Variants in TMTC1 observed in about 807,000 individuals in gnomAD.
TMTC1 encodes protein O-mannosyl-transferase TMTC1.
In TMTC1, 73 loss-of-function variants were observed where a neutral mutation model predicts 104.8. That is an observed-to-expected ratio of 0.70 (90% CI 0.58 to 0.85). The LOEUF (loss-of-function observed/expected upper bound fraction) is 0.85. Among genes scored for constraint, TMTC1 ranks in the 40% least tolerant of loss-of-function variants. The pLI is 0.00. For missense variants in TMTC1, 1,035 were observed against 1,096.1 expected (o/e 0.94, Z 0.79); for synonymous variants, 434 against 428.7 (o/e 1.01, Z -0.15).
chr12:29,514,530 T>C lies in TMTC1; in HGVS notation c.2382A>G (p.Thr794=). The C allele has an allele frequency of 6.2e-7, 1 of 1,614,126 alleles. No homozygotes were observed. The highest frequency in any genetic ancestry group is 8.5e-7 in the Non-Finnish European group (1 of 1,180,006). The change falls in exon 16 of 18, where the codon ACA becomes ACG. Residue 794 remains threonine (T), a synonymous_variant. Transcript: ENST00000539277. ...DPKVISELFF[T]KGNQLREQNL... ...TCTGCTCTCTTAATTGGTTTCCTTT[T>C]GTGAAAAAAAGTTCAGAAATGACTT...
chr12:29,691,720 G>GAA (rs34338128), intron 5 of TMTC1, among the ~76,000 whole-genome samples: 16,130 of 109,322 alleles, frequency 0.15, 2,705 homozygotes, highest in African/African-American at 0.33. Context: ...CCAAAAGTAG[G>GAA]AAAAAAAAAA....
intron 6 of TMTC1, among the ~76,000 whole-genome samples, chr12:29,621,160 G>A (rs1447631539): frequency 1.3e-5 from 2 of 152,184 alleles, no homozygotes; most frequent in East Asian, 3.8e-4. Flanking sequence ...AAAAATCCGT[G>A]TTGGCATAGA....
At chr12:29,782,505 T>TTTGACCGGCG (rs2120695678) in intron 1 of TMTC1, among the ~76,000 whole-genome samples, 1 of 152,304 alleles carries the variant, frequency 6.6e-6, no homozygotes, top group East Asian at 1.9e-4. Context: ...CAATATTATT[T>TTTGACCGGCG]CAACAGTTTT....
intron 8 of TMTC1, among the ~76,000 whole-genome samples, chr12:29,573,863 C>T (rs566904819): frequency 1.3e-5 from 2 of 152,158 alleles, no homozygotes; most frequent in African/African-American, 2.4e-5. Flanking sequence ...AGAATCAGTG[C>T]AAAGTCTCCA....
intron 5 of TMTC1, among the ~76,000 whole-genome samples, chr12:29,724,011 A>G (rs796707629): frequency 1.3e-5 from 2 of 152,330 alleles, no homozygotes; most frequent in African/African-American, 4.8e-5. Context: ...GATAGAGAAG[A>G]CCAGAATATA....
chr12:29,624,954 C>T (rs1217169524), intron 6 of TMTC1, among the ~76,000 whole-genome samples: 2 of 152,140 alleles, frequency 1.3e-5, no homozygotes, highest in African/African-American at 4.8e-5. Flanking sequence ...AAAGATCTTT[C>T]CATGAATCTC....
rs59246154 is a variant in TMTC1, at chr12:29,647,388, C to A, written c.939-14052G>T. ...GCTTTGTTAGTTGCTCAGTCAAGAA[C>A]AGAGCAGTTCATTTTGCACAGCTCT... is the stretch of plus-strand genomic sequence containing the variant. On this transcript the variant is annotated intron_variant, in intron 5 of 17. Transcript: ENST00000539277. Among the ~76,000 whole-genome samples the A allele has an allele frequency of 8.0e-3, 1,220 of 152,280 alleles. 12 individuals are homozygous for A. The highest frequency in any genetic ancestry group is 0.027 in the African/African-American group (1,142 of 41,564).
chr12:29,749,692 AT>A (rs1284124477), intron 5 of TMTC1, among the ~76,000 whole-genome samples: 2 of 151,798 alleles, frequency 1.3e-5, no homozygotes, highest in Non-Finnish European at 2.9e-5. Flanking sequence ...CATTATTATG[AT>A]TTTATTCTCT....
At chr12:29,767,584 C>T (rs931704050) in intron 2 of TMTC1, among the ~76,000 whole-genome samples, 9 of 152,034 alleles carry the variant, frequency 5.9e-5, no homozygotes, top group African/African-American at 1.4e-4. Context: ...CATTACTACC[C>T]GTAATAATAA....
At chr12:29,715,529 A>T (rs910991937) in intron 5 of TMTC1, among the ~76,000 whole-genome samples, 3 of 152,208 alleles carry the variant, frequency 2.0e-5, no homozygotes, top group Non-Finnish European at 4.4e-5. Flanking sequence ...AAATAAAGCA[A>T]ACAGTTACAT....
intron 7 of TMTC1, among the ~76,000 whole-genome samples, chr12:29,595,117 T>C (rs1565696004): frequency 1.3e-5 from 2 of 152,242 alleles, no homozygotes; most frequent in Admixed American, 1.3e-4. Context: ...ATACTTTATA[T>C]TAAATTTTAC....
At chr12:29,572,254 C>A in intron 8 of TMTC1, 36 bp from the exon 9 acceptor site, 2 of 1,485,360 alleles carry the variant, frequency 1.3e-6, no homozygotes, top group Non-Finnish European at 1.9e-6. Context: ...AATTATTTGA[C>A]AAAGAATATT....
intron 5 of TMTC1, among the ~76,000 whole-genome samples, chr12:29,735,668 G>C (rs1400496484): frequency 6.6e-6 from 1 of 152,158 alleles, no homozygotes; most frequent in Non-Finnish European, 1.5e-5. Context: ...AATGTTGACA[G>C]GCACGGAAGG....
chr12:29,509,385 C>A (rs1360334262), intron 17 of TMTC1, among the ~76,000 whole-genome samples: 1 of 152,130 alleles, frequency 6.6e-6, no homozygotes, highest in Admixed American at 6.5e-5. Flanking sequence ...CTCCTCTCTC[C>A]CCCATCTCTT....
chr12:29,784,414 C>G (rs1034501246), upstream of TMTC1: 2 of 152,230 alleles, frequency 1.3e-5, no homozygotes, highest in Non-Finnish European at 2.9e-5. Context: ...GCCCCGCGCT[C>G]GCGTCCAGTC....
intron 5 of TMTC1, among the ~76,000 whole-genome samples, chr12:29,736,173 C>G (rs550704206): frequency 6.6e-6 from 1 of 151,478 alleles, no homozygotes; most frequent in African/African-American, 2.4e-5. Context: ...CAGGCATTGC[C>G]CCTGAGGAGA....
chr12:29,699,204 T>C (rs748703146), intron 5 of TMTC1, among the ~76,000 whole-genome samples: 2 of 152,206 alleles, frequency 1.3e-5, no homozygotes, highest in Non-Finnish European at 2.9e-5. Flanking sequence ...AGGTAACAGT[T>C]GTGCAGAGGA....
At chr12:29,559,346 C>A (rs1337864160) in intron 9 of TMTC1, among the ~76,000 whole-genome samples, 2 of 152,142 alleles carry the variant, frequency 1.3e-5, no homozygotes, top group African/African-American at 2.4e-5. Flanking sequence ...TTAAGCCCAA[C>A]TTCCTGAATT....
intron 6 of TMTC1, among the ~76,000 whole-genome samples, chr12:29,614,808 G>C (rs191411517): frequency 6.6e-6 from 1 of 152,292 alleles, no homozygotes. Flanking sequence ...AGTCTTACAA[G>C]GGAGTAGAAA....
Sources: allele counts gnomAD v4.1 joint callset (sites outside exome capture counted in the v4.1 genomes callset), GRCh38; gene constraint gnomAD v4.1.1; transcripts MANE v1.5; gene names NCBI Gene and HGNC (gene_info 2026-07-23, HGNC 2026-07-21).